TNFSF13B: variants seen among roughly 807,000 people sequenced by gnomAD.
TNFSF13B encodes TNF superfamily member 13b.
In TNFSF13B, 8 loss-of-function variants were observed where a neutral mutation model predicts 29.1. The observed-to-expected ratio is 0.27, with a 90% confidence interval of 0.16 to 0.50. TNFSF13B has a LOEUF of 0.50. Ranked by LOEUF, TNFSF13B falls within the 20% of genes least tolerant of loss-of-function variation. The probability of loss-of-function intolerance (pLI) is 0.98; values close to 1 mark genes in which losing one functional copy is unlikely to be tolerated. For missense variants in TNFSF13B, 248 were observed against 334.9 expected (o/e 0.74, Z 2.03); for synonymous variants, 125 against 130.8 (o/e 0.96, Z 0.30).
chr13:108,306,752 A>C (rs1430675804), intron 5 of TNFSF13B, 74 bp from the exon 6 acceptor site: 1 of 907,856 alleles, frequency 1.1e-6, no homozygotes, highest in Non-Finnish European at 1.7e-6. Flanking sequence ...TACAGAACAA[A>C]ATAGTTTTAT....
chr13:108,302,827 T>C (rs1881663953), intron 3 of TNFSF13B: 18 of 986,518 alleles, frequency 1.8e-5, no homozygotes, highest in Non-Finnish European at 2.2e-5. Flanking sequence ...TTTCTTCGTC[T>C]GGAAACATTT....
rs559743366 is a variant in TNFSF13B, at chr13:108,289,715, T to C, written c.481+2856T>C. The stretch of plus-strand genomic sequence containing the variant: ...AACATCAGGTCTTGAGATGAAATCA[T>C]GTTATGTATTCCAGAGACATGGAGA... On this transcript the variant is annotated intron_variant, in intron 3 of 5. Coordinates refer to ENST00000375887, the MANE Select transcript of TNFSF13B (RefSeq NM_006573.5). Among the ~76,000 whole-genome samples the C allele has an allele frequency of 7.3e-5, 11 of 151,450 alleles. No homozygotes were observed. The South Asian group carries it at 8.3e-4, about 11-fold the overall frequency.
Position 108,306,823 on chromosome 13 carries a change from C to A in TNFSF13B, c.746-3C>A. The A allele has an allele frequency of 6.4e-7, 1 of 1,573,442 alleles. No homozygotes were observed. Among genetic ancestry groups the A allele is most frequent in the Non-Finnish European group, 8.7e-7 (1 of 1,146,814 alleles). On this transcript the variant is annotated splice_polypyrimidine_tract_variant and splice_region_variant and intron_variant, in intron 5 of 5. Transcript: ENST00000375887. ...ATAGTTCTTGTAAATCATTTTTTCC[C>A]AGGCATTGCAAAACTGGAAGAAGGA...
intron 2 of TNFSF13B, among the ~76,000 whole-genome samples, chr13:108,272,005 A>G (rs1310032616): frequency 6.6e-6 from 1 of 152,116 alleles, no homozygotes; most frequent in East Asian, 1.9e-4. Flanking sequence ...CGACTGCCAT[A>G]TTGTTTTCAA....
At chr13:108,273,187 G>A (rs1168117989) in intron 2 of TNFSF13B, among the ~76,000 whole-genome samples, 1 of 151,778 alleles carries the variant, frequency 6.6e-6, no homozygotes, top group Non-Finnish European at 1.5e-5. Context: ...ACACAGTTGA[G>A]CCTTGAACAA....
chr13:108,270,481 C>A, intron 2 of TNFSF13B, 57 bp downstream of exon 2: 1 of 1,505,418 alleles, frequency 6.6e-7, no homozygotes, highest in South Asian at 1.1e-5. Flanking sequence ...AACATCCAGT[C>A]TGGGGGAGCT....
intron 2 of TNFSF13B, among the ~76,000 whole-genome samples, chr13:108,281,215 T>C (rs1880944712): frequency 6.6e-6 from 1 of 152,054 alleles, no homozygotes; most frequent in Non-Finnish European, 1.5e-5. Context: ...CACTCCAGCC[T>C]GGGCAATAAG....
chr13:108,287,554 C>T (rs1450025676), intron 3 of TNFSF13B, among the ~76,000 whole-genome samples: 2 of 152,032 alleles, frequency 1.3e-5, no homozygotes, highest in Non-Finnish European at 2.9e-5. Flanking sequence ...AAAATAAAAA[C>T]CAATAATAAA....
At chr13:108,272,565 T>C (rs942837531) in intron 2 of TNFSF13B, among the ~76,000 whole-genome samples, 3 of 152,126 alleles carry the variant, frequency 2.0e-5, no homozygotes, top group African/African-American at 7.2e-5. Flanking sequence ...CTCTCTCTTT[T>C]TTCCTTTCTA....
At chr13:108,305,954 T>C (rs1476241330) in intron 5 of TNFSF13B, among the ~76,000 whole-genome samples, 1 of 152,188 alleles carries the variant, frequency 6.6e-6, no homozygotes, top group Non-Finnish European at 1.5e-5. Context: ...ATTCTAAAAA[T>C]AGCCACAAGT....
At position 108,307,203 on chromosome 13, in the gene TNFSF13B, A is replaced by G; in HGVS notation, c.*265A>G. On this transcript the variant is annotated 3_prime_UTR_variant, in exon 6 of 6. Transcript: ENST00000375887. ...AAAGATAGAACTAGAAAGGCTTTTCATTATAATTCCATGTTGAACAATTGA... is the reference window on the plus strand; with the variant it reads ...AAAGATAGAACTAGAAAGGCTTTTCGTTATAATTCCATGTTGAACAATTGA... 1 of 315,512 alleles carries G rather than the reference A, an allele frequency of 3.2e-6. No individual in the cohort carries two copies. The highest frequency in any genetic ancestry group is 5.8e-6 in the Non-Finnish European group (1 of 173,294). 19.5% of individuals were successfully genotyped at this position (315,512 alleles called of 1,614,324 possible). A position where few individuals can be genotyped will look rare whatever the true frequency, so the allele number is the denominator to read the frequency against.
Position 108,298,620 on chromosome 13 carries a change from C to T in TNFSF13B, c.482-4633C>T, listed in dbSNP as rs1278860172. ...TATGTTGGCATTTCTGTGTCTTTTGCTTCTCTATATATTCTTTAGACTCAG... is the reference window on the plus strand; with the variant it reads ...TATGTTGGCATTTCTGTGTCTTTTGTTTCTCTATATATTCTTTAGACTCAG... On this transcript the variant is annotated intron_variant, in intron 3 of 5. Coordinates refer to ENST00000375887, the MANE Select transcript of TNFSF13B (RefSeq NM_006573.5). Among the ~76,000 whole-genome samples the T allele has an allele frequency of 2.8e-5, 4 of 144,864 alleles. 1 individual carries two copies. Among genetic ancestry groups the T allele is most frequent in the Non-Finnish European group, 6.1e-5 (4 of 65,422 alleles).
chr13:108,292,735 A>G (rs564194009), intron 3 of TNFSF13B, among the ~76,000 whole-genome samples: 3 of 152,112 alleles, frequency 2.0e-5, no homozygotes, highest in Non-Finnish European at 4.4e-5. Flanking sequence ...AAAAATGTCT[A>G]TTCAAGTACC....
intron 2 of TNFSF13B, among the ~76,000 whole-genome samples, chr13:108,278,585 TCCTCCC>T: frequency 7.0e-6 from 1 of 143,066 alleles, no homozygotes; most frequent in Non-Finnish European, 1.5e-5. Flanking sequence ...CCTCTCCTCC[TCCTCCC>T]CTTCTCTTCC....
At position 108,298,980 on chromosome 13, in the gene TNFSF13B, CAAACAAACAAA is replaced by C. The variant is rs1324349024; in HGVS notation, c.482-4261_482-4251del. On this transcript the variant is annotated intron_variant, in intron 3 of 5. Coordinates refer to ENST00000375887, the MANE Select transcript of TNFSF13B (RefSeq NM_006573.5). ...GCAAGACTTGGGAAAAACAAACAAA[CAAACAAACAAA>C]AAACAAACAAACAAACAAAACATTG... Among the ~76,000 whole-genome samples, 63 of 129,678 alleles carry C rather than the reference CAAACAAACAAA, an allele frequency of 4.9e-4. 6 individuals are homozygous for C. The highest frequency in any genetic ancestry group is 1.5e-3 in the African/African-American group (58 of 37,662). The allele number at this position is 129,678 out of a possible 152,430, so 85.1% of individuals were successfully genotyped here.
chr13:108,270,853 T>C (rs1039485955), intron 2 of TNFSF13B, among the ~76,000 whole-genome samples: 7 of 152,184 alleles, frequency 4.6e-5, no homozygotes, highest in African/African-American at 1.7e-4. Flanking sequence ...ATCTGTTTTC[T>C]GAATGTACAT....
At chr13:108,287,634 A>G (rs1051934717) in intron 3 of TNFSF13B, among the ~76,000 whole-genome samples, 31 of 152,308 alleles carry the variant, frequency 2.0e-4, no homozygotes, top group Admixed American at 1.4e-3. Flanking sequence ...CTTCACAAAT[A>G]TGAATTCTCC....
At chr13:108,294,242 T>C (rs7985994) in intron 3 of TNFSF13B, among the ~76,000 whole-genome samples, 8,518 of 151,496 alleles carry the variant, frequency 0.056, 513 homozygotes, top group African/African-American at 0.15. Flanking sequence ...TGTAATGGCA[T>C]GATCTTAACT....
intron 3 of TNFSF13B, among the ~76,000 whole-genome samples, chr13:108,296,900 C>T (rs1437980159): frequency 1.4e-5 from 2 of 145,540 alleles, no homozygotes; most frequent in Non-Finnish European, 3.1e-5. Context: ...TACGCTTATA[C>T]ATTGTAAGCC....
Sources: gnomAD v4.1 joint callset for allele counts (sites outside exome capture counted in the v4.1 genomes callset) on GRCh38, gnomAD v4.1.1 for gene constraint, MANE v1.5 for transcripts, NCBI Gene and HGNC (gene_info 2026-07-23, HGNC 2026-07-21) for gene names.